PTPRO: variants seen among roughly 807,000 people sequenced by gnomAD.
The protein encoded by PTPRO is protein tyrosine phosphatase receptor type O, also known as receptor-type tyrosine-protein phosphatase O.
A neutral mutation model predicts 145.2 loss-of-function variants in PTPRO; 62 were observed. The observed-to-expected ratio is 0.43, with a 90% CI of 0.35 to 0.53. The LOEUF is 0.53. PTPRO is among the 20% of genes least tolerant of loss of function. The pLI, the probability that PTPRO is intolerant of heterozygous loss-of-function variation, is 0.01. For synonymous variants in PTPRO, 565 were observed against 514.7 expected (o/e 1.10, Z -1.32); for missense variants, 1,345 against 1,482.7 (o/e 0.91, Z 1.53).
intron 23 of PTPRO, among the ~76,000 whole-genome samples, chr12:15,582,707 T>C (rs1423937588): frequency 6.6e-6 from 1 of 152,202 alleles, no homozygotes; most frequent in Non-Finnish European, 1.5e-5. Flanking sequence ...AGTTTGGGTT[T>C]TGTTTTGTTT....
chr12:15,531,552 T>C (rs1942963383), intron 12 of PTPRO, among the ~76,000 whole-genome samples: 1 of 152,126 alleles, frequency 6.6e-6, no homozygotes, highest in South Asian at 2.1e-4. Context: ...ATCTTCTACA[T>C]TCAAAAATTG....
chr12:15,479,183 C>T (rs993491468), intron 1 of PTPRO, among the ~76,000 whole-genome samples: 1 of 152,070 alleles, frequency 6.6e-6, no homozygotes, highest in Non-Finnish European at 1.5e-5. Context: ...CTACCTTAAC[C>T]GTCAGATACT....
chr12:15,422,034 GA>G (rs147751007), intron 1 of PTPRO, among the ~76,000 whole-genome samples: 37 of 146,756 alleles, frequency 2.5e-4, no homozygotes, highest in African/African-American at 7.2e-4. Flanking sequence ...CCCATTTAAA[GA>G]AAAAAAAAAG....
In PTPRO at chr12:15,486,391, T is replaced by A. The variant is rs775170559; in HGVS notation, c.349+2144T>A. ...TTTTTAAGTGTTTGTGTGGCATACC[T>A]AATCCACCCTTTTGCTTTCAGCCTA... On this transcript the variant is annotated intron_variant, in intron 2 of 26. Transcript: ENST00000281171. Among the ~76,000 whole-genome samples the A allele has an allele frequency of 3.4e-4, 52 of 152,200 alleles. 1 individual carries two copies. Among genetic ancestry groups the A allele is most frequent in the Non-Finnish European group, 5.1e-4 (35 of 68,030 alleles).
At chr12:15,573,383 C>T (rs1944104606) in intron 19 of PTPRO, among the ~76,000 whole-genome samples, 1 of 152,172 alleles carries the variant, frequency 6.6e-6, no homozygotes, top group Non-Finnish European at 1.5e-5. Flanking sequence ...ATGAGAAAAA[C>T]ACCTTCACAG....
intron 1 of PTPRO, among the ~76,000 whole-genome samples, chr12:15,351,075 C>A (rs972192988): frequency 6.6e-6 from 1 of 151,972 alleles, no homozygotes; most frequent in Admixed American, 6.6e-5. Context: ...AACTGTATGG[C>A]GGACTTGGAG....
chr12:15,407,114 C>T lies in PTPRO; in HGVS notation c.76-76860C>T, dbSNP rs183957550. 5.3e-5 allele frequency among the ~76,000 whole-genome samples: 8 copies of T among 152,312 alleles called. 1 individual carries two copies. Among genetic ancestry groups the T allele is most frequent in the East Asian group, 1.9e-4 (1 of 5,190 alleles). Reference sequence around the variant, plus strand: ...TTGGATCACAGAAATGAGAATGCTGCTGTTCCTCCACTGCAGGGCTCTGGA... The same window carrying T: ...TTGGATCACAGAAATGAGAATGCTGTTGTTCCTCCACTGCAGGGCTCTGGA... On this transcript the variant is annotated intron_variant, in intron 1 of 26. Coordinates refer to ENST00000281171, the MANE Select transcript of PTPRO (RefSeq NM_030667.3).
rs199881667 is a variant in PTPRO at position 15,406,290 on chromosome 12, A to G, written c.76-77684A>G. 4.6e-5 allele frequency among the ~76,000 whole-genome samples: 7 copies of G among 152,334 alleles called. No homozygotes were observed. The East Asian group carries it at 1.3e-3, about 29-fold the overall frequency. ...GGATATTGTTAAAATAAATTGCATA[A>G]CACATGTAGGGATACATGCAGAGAT... On this transcript the variant is annotated intron_variant, in intron 1 of 26. Transcript: ENST00000281171.
At chr12:15,523,942 G>A (rs1220106178) in intron 10 of PTPRO, among the ~76,000 whole-genome samples, 2 of 151,802 alleles carry the variant, frequency 1.3e-5, no homozygotes, top group Non-Finnish European at 1.5e-5. Context: ...GGACAACAGG[G>A]TGTGCCACCA....
chr12:15,499,466 T>G lies in PTPRO; in HGVS notation c.533T>G (p.Phe178Cys), dbSNP rs753098461. The G allele has an allele frequency of 1.2e-6, 2 of 1,613,616 alleles. No homozygotes were observed. Among genetic ancestry groups the G allele is most frequent in the Admixed American group, 3.3e-5 (2 of 60,026 alleles). ...GATTTCTTTAAGGGAAAAACAGTAT[T>G]TAATCACTGGCTGCCAGGAATGTGT... ...YKDFFKGKTVFNHWLPGMCYS... is the reference protein window; with the variant it reads ...YKDFFKGKTVCNHWLPGMCYS... The change falls in exon 4 of 27, where the codon TTT (phenylalanine) becomes TGT (cysteine). Residue 178 changes from phenylalanine to cysteine, a missense_variant. Physicochemically the swap from Phe to Cys is radical, Grantham distance 205. Around this residue, in one of 3 missense-constraint regions of PTPRO, gnomAD observed 1,130 missense variants for 1,214.7 expected, o/e 0.93. Coordinates refer to ENST00000281171, the MANE Select transcript of PTPRO (RefSeq NM_030667.3).
At chr12:15,356,316 A>G (rs1937987105) in intron 1 of PTPRO, among the ~76,000 whole-genome samples, 1 of 152,190 alleles carries the variant, frequency 6.6e-6, no homozygotes, top group African/African-American at 2.4e-5. Flanking sequence ...AGATACCTTT[A>G]AGAATTAAAT....
intron 1 of PTPRO, among the ~76,000 whole-genome samples, chr12:15,438,762 C>A (rs1055904125): frequency 1.3e-5 from 2 of 151,978 alleles, no homozygotes; most frequent in Non-Finnish European, 2.9e-5. Flanking sequence ...AGGAAAAAAA[C>A]AAACAACCTG....
At chr12:15,392,943 G>A (rs1939231887) in intron 1 of PTPRO, among the ~76,000 whole-genome samples, 1 of 152,092 alleles carries the variant, frequency 6.6e-6, no homozygotes, top group African/African-American at 2.4e-5. Flanking sequence ...GCATTAAAAT[G>A]AGACACAAAT....
intron 1 of PTPRO, among the ~76,000 whole-genome samples, chr12:15,378,448 G>T (rs975653216): frequency 6.6e-6 from 1 of 151,974 alleles, no homozygotes; most frequent in African/African-American, 2.4e-5. Context: ...TAACTTAGAT[G>T]AAACCGATAA....
At chr12:15,413,610 C>G (rs1460311645) in intron 1 of PTPRO, among the ~76,000 whole-genome samples, 1 of 152,016 alleles carries the variant, frequency 6.6e-6, no homozygotes, top group Non-Finnish European at 1.5e-5. Context: ...AAGTCAGGAG[C>G]TCAAGACCAG....
rs529981213 is a variant in PTPRO at position 15,563,350 on chromosome 12, A to C, written c.2712-2243A>C. Among the ~76,000 whole-genome samples the C allele has an allele frequency of 4.6e-5, 7 of 152,268 alleles. No homozygotes were observed. The South Asian group carries it at 1.4e-3, about 32-fold the overall frequency. On this transcript the variant is annotated intron_variant, in intron 17 of 26. Transcript: ENST00000281171. Reference sequence around the variant, plus strand: ...GCTCTTTCCAGAATGTGCTTAAGTTAAAATTGCTAGCAAAGCCTTAATTTG... The same window carrying C: ...GCTCTTTCCAGAATGTGCTTAAGTTCAAATTGCTAGCAAAGCCTTAATTTG...
At chr12:15,392,112 T>C (rs1939204213) in intron 1 of PTPRO, among the ~76,000 whole-genome samples, 1 of 152,204 alleles carries the variant, frequency 6.6e-6, no homozygotes, top group African/African-American at 2.4e-5. Flanking sequence ...TTCAGTCTTC[T>C]GTATCATAAA....
At chr12:15,378,936 G>A (rs1231599877) in intron 1 of PTPRO, among the ~76,000 whole-genome samples, 1 of 152,026 alleles carries the variant, frequency 6.6e-6, no homozygotes, top group Non-Finnish European at 1.5e-5. Context: ...ATACTCAAAA[G>A]CATTTGTCAG....
At chr12:15,340,029 T>C (rs1030373736) in intron 1 of PTPRO, among the ~76,000 whole-genome samples, 27 of 152,318 alleles carry the variant, frequency 1.8e-4, no homozygotes, top group African/African-American at 5.8e-4. Context: ...CAAGCCTCAC[T>C]GCCTTATTGA....
Sources: allele counts gnomAD v4.1 joint callset (sites outside exome capture counted in the v4.1 genomes callset), GRCh38; gene constraint gnomAD v4.1.1; regional missense constraint gnomAD v4.1.1; transcripts MANE v1.5; gene names NCBI Gene and HGNC (gene_info 2026-07-23, HGNC 2026-07-21).